KLHL29: variants seen among roughly 807,000 people sequenced by gnomAD.
KLHL29 encodes kelch-like protein 29.
KLHL29 carries 21 observed loss-of-function variants against 80.4 expected under a neutral mutation model. The ratio of observed to expected loss-of-function variants is 0.26; its 90% confidence interval spans 0.19 to 0.38. KLHL29 has a LOEUF of 0.38. Ranked by LOEUF, KLHL29 falls within the 10% of genes least tolerant of loss-of-function variation. The pLI, the probability that KLHL29 is intolerant of heterozygous loss-of-function variation, is 1.00. For synonymous variants in KLHL29, 511 were observed against 526.8 expected (o/e 0.97, Z 0.41); for missense variants, 867 against 1,223.9 (o/e 0.71, Z 4.35).
intron 2 of KLHL29, among the ~76,000 whole-genome samples, chr2:23,524,641 G>A (rs1013446326): frequency 6.6e-6 from 1 of 152,226 alleles, no homozygotes; most frequent in Non-Finnish European, 1.5e-5. Context: ...AGGTGGTTGA[G>A]AGGACACCTC....
At chr2:23,401,179 G>GT (rs1244277538) in intron 1 of KLHL29, among the ~76,000 whole-genome samples, 1 of 152,186 alleles carries the variant, frequency 6.6e-6, no homozygotes, top group Non-Finnish European at 1.5e-5. Flanking sequence ...AACTTCAACT[G>GT]TTGCTCTACA....
At chr2:23,567,414 C>T (rs1042710815) in intron 3 of KLHL29, among the ~76,000 whole-genome samples, 3 of 152,006 alleles carry the variant, frequency 2.0e-5, no homozygotes, top group African/African-American at 7.2e-5. Flanking sequence ...TCGCCTGTGT[C>T]GGAGGCCCGA....
rs528731781 is a variant in KLHL29 at position 23,652,609 on chromosome 2, A to T, written c.940+9759A>T. ...AGCCTGTCAAGTGCCTCTTAAAGGG[A>T]TACCAGGTGACAGGCAAGGTGGCCC... On this transcript the variant is annotated intron_variant, in intron 5 of 13. Coordinates refer to ENST00000486442, the MANE Select transcript of KLHL29 (RefSeq NM_052920.2). Among the ~76,000 whole-genome samples the T allele has an allele frequency of 1.2e-4, 18 of 152,332 alleles. No individual in the cohort carries two copies. The South Asian group carries it at 3.5e-3, about 30-fold the overall frequency.
intron 1 of KLHL29, among the ~76,000 whole-genome samples, chr2:23,439,690 T>G (rs1375817269): frequency 5.3e-5 from 8 of 151,656 alleles, no homozygotes. Context: ...TTGTTATAAT[T>G]TCTGTTCTTT....
At position 23,642,356 on chromosome 2, in the gene KLHL29, C is replaced by T; in HGVS notation, c.446C>T (p.Thr149Ile). The change falls in exon 5 of 14, where the codon ACC becomes ATC. Residue 149 changes from threonine (T) to isoleucine (I), a missense_variant. Physicochemically the swap from Thr to Ile is moderately conservative, Grantham distance 89. Coordinates refer to ENST00000486442, the MANE Select transcript of KLHL29 (RefSeq NM_052920.2). ...SDNPGTGPWV[T>I]TVAAGNQPTL... ...CTTGCAGGCACAGGGCCATGGGTGACCACGGTGGCCGCCGGGAACCAGCCC... is the reference window on the plus strand; with the variant it reads ...CTTGCAGGCACAGGGCCATGGGTGATCACGGTGGCCGCCGGGAACCAGCCC... 7.0e-7 allele frequency: 1 copy of T among 1,435,160 alleles called. No individual in the cohort carries two copies. Among genetic ancestry groups the T allele is most frequent in the Non-Finnish European group, 9.2e-7 (1 of 1,089,236 alleles). The allele number at this position is 1,435,160 out of a possible 1,614,324, so 88.9% of individuals were successfully genotyped here.
chr2:23,678,303 G>A (rs774139350), intron 5 of KLHL29, among the ~76,000 whole-genome samples: 2 of 152,168 alleles, frequency 1.3e-5, no homozygotes, highest in Admixed American at 1.3e-4. Flanking sequence ...TCACCACTTA[G>A]AACCAATGGG....
intron 5 of KLHL29, among the ~76,000 whole-genome samples, chr2:23,650,379 A>T (rs545811740): frequency 1.3e-5 from 2 of 152,336 alleles, no homozygotes; most frequent in Admixed American, 1.3e-4. Context: ...GTGTGCACAC[A>T]GTTTGCAGGG....
At chr2:23,445,226 A>T (rs922931515) in intron 1 of KLHL29, among the ~76,000 whole-genome samples, 2 of 152,212 alleles carry the variant, frequency 1.3e-5, no homozygotes, top group Non-Finnish European at 2.9e-5. Context: ...TCTTGATTCC[A>T]TTCCTGTCTT....
At chr2:23,617,149 A>C (rs1283411874) in intron 3 of KLHL29, 1 of 152,192 alleles carries the variant, frequency 6.6e-6, no homozygotes, top group East Asian at 1.9e-4. Context: ...ATTAACCTTC[A>C]AACAACCTGG....
In KLHL29 at chr2:23,481,965, G is replaced by A. The variant is rs192399516; in HGVS notation, c.-46+6298G>A. On this transcript the variant is annotated intron_variant, in intron 2 of 13. Coordinates refer to ENST00000486442, the MANE Select transcript of KLHL29 (RefSeq NM_052920.2). ...AGCATCTGAGTGCTGAGACTGGGCT[G>A]GGGGGAGATCAGAGATGGCTAACGA... Among the ~76,000 whole-genome samples the A allele has an allele frequency of 4.6e-5, 7 of 152,226 alleles. No individual in the cohort carries two copies. In the East Asian group the frequency reaches 1.2e-3, roughly 25 times the overall value.
Position 23,562,297 on chromosome 2 carries a change from G to C in KLHL29, c.101G>C (p.Ser34Thr). 1.3e-6 allele frequency: 2 copies of C among 1,546,850 alleles called. No homozygotes were observed. The highest frequency in any genetic ancestry group is 1.7e-6 in the Non-Finnish European group (2 of 1,144,576). ...NGTHGTTSIC[S>T]VTSGAGGGTA... is the part of the protein sequence containing the mutation. ...ACGCATGGGACCACCAGCATCTGCAGTGTCACCTCGGGGGCCGGTGGCGGC... is the reference window on the plus strand; with the variant it reads ...ACGCATGGGACCACCAGCATCTGCACTGTCACCTCGGGGGCCGGTGGCGGC... The change falls in exon 3 of 14, where the codon AGT (serine) becomes ACT (threonine). Residue 34 changes from serine (S) to threonine (T), a missense_variant. Transcript: ENST00000486442. This position sits in a 1 kb window ranked among gnomAD's most constrained non-coding sequence, Gnocchi z 4.5.
At chr2:23,534,313 T>C (rs1207338551) in intron 2 of KLHL29, among the ~76,000 whole-genome samples, 1 of 152,160 alleles carries the variant, frequency 6.6e-6, no homozygotes, top group Non-Finnish European at 1.5e-5. Context: ...TTAGATAAAA[T>C]CACATTTGTG....
intron 1 of KLHL29, among the ~76,000 whole-genome samples, chr2:23,428,297 G>A (rs1042178615): frequency 1.3e-5 from 2 of 152,204 alleles, no homozygotes; most frequent in Admixed American, 1.3e-4. Context: ...CTGTCCCCCT[G>A]CATGTGAGGC....
At chr2:23,638,085 T>TAAAAAAAAAAAAAAAAAAAAAAA (rs553356362) in intron 3 of KLHL29, among the ~76,000 whole-genome samples, 11 of 111,532 alleles carry the variant, frequency 9.9e-5, no homozygotes, top group East Asian at 7.9e-4. Context: ...ATGGCCATAG[T>TAAAAAAAAAAAAAAAAAAAAAAA]AAAAAAAAAA....
intron 1 of KLHL29, among the ~76,000 whole-genome samples, chr2:23,402,423 G>A (rs867546489): frequency 1.4e-4 from 22 of 152,250 alleles, no homozygotes; most frequent in African/African-American, 5.1e-4. Context: ...AATCTTTCCA[G>A]GACACTAACC....
Position 23,590,404 on chromosome 2 carries a change from G to A in KLHL29, c.285+27923G>A, listed in dbSNP as rs146106748. 1.2e-3 allele frequency among the ~76,000 whole-genome samples: 186 copies of A among 152,252 alleles called. 1 individual carries two copies. The highest frequency in any genetic ancestry group is 1.8e-3 in the Non-Finnish European group (122 of 68,018). ...GACCTATATGTTTTGTCCATTTCAC[G>A]CTCCACCTCCTGCTCTCCCCAGATT... is the stretch of plus-strand genomic sequence containing the variant. On this transcript the variant is annotated intron_variant, in intron 3 of 13. Coordinates refer to ENST00000486442, the MANE Select transcript of KLHL29 (RefSeq NM_052920.2).
intron 1 of KLHL29, among the ~76,000 whole-genome samples, chr2:23,451,892 C>G (rs896563249): frequency 5.3e-5 from 8 of 152,264 alleles, no homozygotes; most frequent in African/African-American, 1.9e-4. Flanking sequence ...GTCTAGGAAG[C>G]ATGGCACTGG....
chr2:23,674,300 G>T (rs1022771677), intron 5 of KLHL29, among the ~76,000 whole-genome samples: 1 of 152,162 alleles, frequency 6.6e-6, no homozygotes, highest in Non-Finnish European at 1.5e-5. Context: ...AAACAAAGGG[G>T]CCAAACAGAC....
At chr2:23,437,855 T>G (rs994216495) in intron 1 of KLHL29, among the ~76,000 whole-genome samples, 5 of 152,196 alleles carry the variant, frequency 3.3e-5, no homozygotes, top group Non-Finnish European at 7.3e-5. Flanking sequence ...AGAAACTCAT[T>G]GGTAGTTTGA....
Sources: gnomAD v4.1 joint callset for allele counts (sites outside exome capture counted in the v4.1 genomes callset) on GRCh38, gnomAD v4.1.1 for gene constraint, Gnocchi (gnomAD v3.1) non-coding constraint, MANE v1.5 for transcripts, NCBI Gene and HGNC (gene_info 2026-07-23, HGNC 2026-07-21) for gene names.